SEPTIN9: variants seen among roughly 807,000 people sequenced by gnomAD.
The protein encoded by SEPTIN9 is septin-9.
A neutral mutation model predicts 56.6 loss-of-function variants in SEPTIN9; 13 were observed. The observed-to-expected ratio is 0.23, with a 90% CI of 0.15 to 0.37. The LOEUF (loss-of-function observed/expected upper bound fraction) is 0.37. Ranked by LOEUF, SEPTIN9 falls within the 10% of genes least tolerant of loss-of-function variation. The pLI is 1.00. For synonymous variants in SEPTIN9, 332 were observed against 334.1 expected, an observed-to-expected ratio of 0.99 and a Z score of 0.07; for missense variants, 650 against 823.1, an observed-to-expected ratio of 0.79 and a Z score of 2.57.
At chr17:77,285,332 C>G (rs541175640) in intron 1 of SEPTIN9, among the ~76,000 whole-genome samples, 1 of 152,338 alleles carries the variant, frequency 6.6e-6, no homozygotes, top group African/African-American at 2.4e-5. Flanking sequence ...CGATGAGCCA[C>G]AGAAGCGGGA....
At chr17:77,404,640 G>T (rs1013595437) in intron 3 of SEPTIN9, among the ~76,000 whole-genome samples, 1 of 152,144 alleles carries the variant, frequency 6.6e-6, no homozygotes, top group South Asian at 2.1e-4. Context: ...GGTTTGGGGG[G>T]AGACCAGTGC....
At position 77,329,770 on chromosome 17, in the gene SEPTIN9, C is replaced by A. The variant is rs2033277986; in HGVS notation, c.76+22573C>A. ...TTTCTTCCCAGCCTCTGACTCGGGG[C>A]AAGGTTCAGATATCCAGAACATTCT... On this transcript the variant is annotated intron_variant, in intron 2 of 11. Coordinates refer to ENST00000427177, the MANE Select transcript of SEPTIN9 (RefSeq NM_001113491.2). The surrounding 1 kb of genome is among the most constrained non-coding windows in gnomAD (Gnocchi z 4.3). Among the ~76,000 whole-genome samples, 3 of 152,156 alleles carry A rather than the reference C, an allele frequency of 2.0e-5. No homozygotes were observed. Among genetic ancestry groups the A allele is most frequent in the African/African-American group, 7.2e-5 (3 of 41,416 alleles).
chr17:77,296,992 A>G (rs1014071034), intron 1 of SEPTIN9, among the ~76,000 whole-genome samples: 3 of 152,248 alleles, frequency 2.0e-5, no homozygotes, highest in Non-Finnish European at 4.4e-5. Context: ...TAGGTAGATG[A>G]TAGATGGATA....
chr17:77,352,501 A>G (rs1178967086), intron 2 of SEPTIN9, among the ~76,000 whole-genome samples: 1 of 152,190 alleles, frequency 6.6e-6, no homozygotes, highest in African/African-American at 2.4e-5. Flanking sequence ...CTGAAGGTTC[A>G]TTCCTCCTGG....
intron 1 of SEPTIN9, chr17:77,294,463 T>G (rs901067330): frequency 8.0e-5 from 13 of 162,500 alleles, no homozygotes; most frequent in African/African-American, 3.1e-4. Flanking sequence ...CCTTAGTTGA[T>G]CAAATTTTGT....
Position 77,425,159 on chromosome 17 carries a change from C to T in SEPTIN9, c.721+22456C>T, listed in dbSNP as rs972643151. Among the ~76,000 whole-genome samples, 1 of 152,220 alleles carries T rather than the reference C, an allele frequency of 6.6e-6. No homozygotes were observed. The highest frequency in any genetic ancestry group is 2.4e-5 in the African/African-American group (1 of 41,456). On this transcript the variant is annotated intron_variant, in intron 3 of 11. Coordinates refer to ENST00000427177, the MANE Select transcript of SEPTIN9 (RefSeq NM_001113491.2). The surrounding 1 kb of genome is among the most constrained non-coding windows in gnomAD (Gnocchi z 4.2). ...CCTCCCCCAGAGCCCCACTGACCTG[C>T]ACCATGTGACCCGGGCCTGGGAAGA... is the stretch of plus-strand genomic sequence containing the variant.
At chr17:77,441,785 G>T (rs1458747063) in intron 3 of SEPTIN9, among the ~76,000 whole-genome samples, 1 of 152,198 alleles carries the variant, frequency 6.6e-6, no homozygotes, top group Non-Finnish European at 1.5e-5. Flanking sequence ...TGCCACTTCC[G>T]TTTCTTTCCT....
chr17:77,281,597 A>T (rs1458906483), intron 1 of SEPTIN9, 43 bp downstream of exon 1: 3 of 1,524,126 alleles, frequency 2.0e-6, no homozygotes, highest in South Asian at 1.2e-5. Flanking sequence ...GTGTCCCGGG[A>T]CCAGCGCTGC....
rs2037320601 is a variant in SEPTIN9 at position 77,435,950 on chromosome 17, G to A, written c.721+33247G>A. ...AAAAACCTTACACCGTTTAGGGCTT[G>A]AGGCAGGGCTAGAGCATGGAGACGT... On this transcript the variant is annotated intron_variant, in intron 3 of 11. Transcript: ENST00000427177. The surrounding 1 kb of genome is among the most constrained non-coding windows in gnomAD (Gnocchi z 4.5). Among the ~76,000 whole-genome samples the A allele has an allele frequency of 6.6e-6, 1 of 152,258 alleles. No homozygotes were observed. Among genetic ancestry groups the A allele is most frequent in the Non-Finnish European group, 1.5e-5 (1 of 68,044 alleles).
chr17:77,485,137 G>C (rs2039700011), intron 4 of SEPTIN9, among the ~76,000 whole-genome samples: 1 of 151,506 alleles, frequency 6.6e-6, no homozygotes, highest in Non-Finnish European at 1.5e-5. Flanking sequence ...GTGGGTGGTG[G>C]TGGTGATTGT....
At chr17:77,474,062 C>G (rs1316964211) in intron 3 of SEPTIN9, among the ~76,000 whole-genome samples, 1 of 152,186 alleles carries the variant, frequency 6.6e-6, no homozygotes, top group Non-Finnish European at 1.5e-5. Context: ...ATAGCTTCTC[C>G]CTCCACCCAC....
At chr17:77,294,154 C>G (rs1422712225) in intron 1 of SEPTIN9, among the ~76,000 whole-genome samples, 1 of 150,260 alleles carries the variant, frequency 6.7e-6, no homozygotes, top group Non-Finnish European at 1.5e-5. Context: ...CGTGGTGGCT[C>G]ACGCCTGTAA....
rs945184178 is a variant in SEPTIN9 at position 77,466,495 on chromosome 17, G to T, written c.722-15649G>T. On this transcript the variant is annotated intron_variant, in intron 3 of 11. Transcript: ENST00000427177. The stretch of plus-strand genomic sequence containing the variant: ...AGCTGCGTGAGCGTGAGCGAGCCAG[G>T]GGTCACTACTGGGTGGAAGGAAGAA... The T allele has an allele frequency of 2.3e-5, 23 of 983,912 alleles. 1 individual carries two copies. The highest frequency in any genetic ancestry group is 5.2e-4 in the Middle Eastern group (1 of 1,932). 60.9% of individuals were successfully genotyped at this position (983,912 alleles called of 1,614,324 possible). A position where few individuals can be genotyped will look rare whatever the true frequency, so the allele number is the denominator to read the frequency against.
chr17:77,333,590 CTAATT>C (rs1282010718), intron 2 of SEPTIN9, among the ~76,000 whole-genome samples: 1 of 152,148 alleles, frequency 6.6e-6, no homozygotes, highest in African/African-American at 2.4e-5. Context: ...TTTATGAAGT[CTAATT>C]TAACAAACTC....
rs921852926 is a variant in SEPTIN9, at chr17:77,464,780, T to G, written c.722-17364T>G. ...CACACCCGGCTAATTTTTTTTTTTG[T>G]ATTTTTAGTAGAGATGGGGTTTCAC... On this transcript the variant is annotated intron_variant, in intron 3 of 11. Coordinates refer to ENST00000427177, the MANE Select transcript of SEPTIN9 (RefSeq NM_001113491.2). Among the ~76,000 whole-genome samples, 16 of 151,788 alleles carry G rather than the reference T, an allele frequency of 1.1e-4. No homozygotes were observed. The South Asian group carries it at 2.1e-3, about 20-fold the overall frequency.
intron 3 of SEPTIN9, among the ~76,000 whole-genome samples, chr17:77,479,578 C>G (rs1598439295): frequency 6.6e-6 from 1 of 152,240 alleles, no homozygotes; most frequent in African/African-American, 2.4e-5. Context: ...TATTATTTCT[C>G]AAGCGGGGCC....
At chr17:77,384,594 C>T (rs1025713277) in intron 2 of SEPTIN9, among the ~76,000 whole-genome samples, 4 of 152,050 alleles carry the variant, frequency 2.6e-5, no homozygotes, top group South Asian at 2.1e-4. Context: ...AGAAACACTC[C>T]GGGGTGCCCA....
intron 3 of SEPTIN9, among the ~76,000 whole-genome samples, chr17:77,416,351 G>A (rs1460670348): frequency 6.6e-6 from 1 of 152,216 alleles, no homozygotes; most frequent in African/African-American, 2.4e-5. Context: ...GATCAGAGCA[G>A]CACTGTGGCT....
At chr17:77,431,896 T>A (rs536684042) in intron 3 of SEPTIN9, among the ~76,000 whole-genome samples, 1 of 150,964 alleles carries the variant, frequency 6.6e-6, no homozygotes, top group African/African-American at 2.4e-5. Flanking sequence ...TCATCCTTTC[T>A]ACTTTTCGCC....
Sources: allele counts gnomAD v4.1 joint callset (sites outside exome capture counted in the v4.1 genomes callset), GRCh38; gene constraint gnomAD v4.1.1; non-coding constraint Gnocchi (gnomAD v3.1); transcripts MANE v1.5; gene names NCBI Gene and HGNC (gene_info 2026-07-23, HGNC 2026-07-21).